The following PDE6D variants were observed in gnomAD, a reference collection of about 807,000 sequenced individuals.
The protein encoded by PDE6D is phosphodiesterase 6D, also known as retinal rod rhodopsin-sensitive cGMP 3',5'-cyclic phosphodiesterase subunit delta.
Under a neutral mutation model 21.9 loss-of-function variants are expected in PDE6D, and 10 were observed. The observed-to-expected ratio is 0.46, with a 90% CI of 0.28 to 0.78. The LOEUF (loss-of-function observed/expected upper bound fraction) is 0.78. Ranked by LOEUF, PDE6D falls within the 30% of genes least tolerant of loss-of-function variation. The probability of loss-of-function intolerance (pLI) is 0.12; values close to 1 mark genes in which losing one functional copy is unlikely to be tolerated. For synonymous variants in PDE6D, 59 were observed against 63.5 expected, an observed-to-expected ratio of 0.93 and a Z score of 0.34; for missense variants, 139 against 184.8, an observed-to-expected ratio of 0.75 and a Z score of 1.44.
chr2:231,738,201 C>A, intron 2 of PDE6D, 63 bp from the exon 3 acceptor site: 1 of 1,489,690 alleles, frequency 6.7e-7, no homozygotes, highest in South Asian at 1.3e-5. Flanking sequence ...TATGATGCTT[C>A]AAATTTCTGG....
chr2:231,748,734 C>T (rs545950520), intron 1 of PDE6D, among the ~76,000 whole-genome samples: 285 of 152,332 alleles, frequency 1.9e-3, no homozygotes, highest in African/African-American at 6.3e-3. Flanking sequence ...GTTCCCCATG[C>T]TGTGTGCAGC....
chr2:231,738,971 C>A, intron 2 of PDE6D, 129 bp downstream of exon 2: 17 of 439,598 alleles, frequency 3.9e-5, no homozygotes, highest in South Asian at 1.0e-4. Context: ...GTCAACAACA[C>A]ATGGATTAAC....
intron 1 of PDE6D, among the ~76,000 whole-genome samples, chr2:231,765,070 G>T (rs1194288108): frequency 3.3e-5 from 5 of 151,490 alleles, no homozygotes; most frequent in Non-Finnish European, 7.4e-5. Flanking sequence ...AGACCAGCCT[G>T]GGCAACACAG....
intron 1 of PDE6D, among the ~76,000 whole-genome samples, chr2:231,745,888 T>C (rs2048790083): frequency 6.6e-6 from 1 of 151,012 alleles, no homozygotes; most frequent in Admixed American, 6.6e-5. Flanking sequence ...GTGAAGGAGG[T>C]GGGTGGTAGA....
chr2:231,759,305 G>A (rs2048907595), intron 1 of PDE6D, among the ~76,000 whole-genome samples: 1 of 151,984 alleles, frequency 6.6e-6, no homozygotes, highest in Non-Finnish European at 1.5e-5. Flanking sequence ...GACAAAGTGA[G>A]ACCCTGTCTC....
rs184065762 is a variant in PDE6D at position 231,759,135 on chromosome 2, T to C, written c.51-19947A>G. On this transcript the variant is annotated intron_variant, in intron 1 of 4. Transcript: ENST00000287600. ...GAGTTCGACACCAGCCTGGGTAACATAGGGAGACAGCATCTCTATTAAAAA... is the reference window on the plus strand; with the variant it reads ...GAGTTCGACACCAGCCTGGGTAACACAGGGAGACAGCATCTCTATTAAAAA... Among the ~76,000 whole-genome samples the C allele has an allele frequency of 2.9e-3, 444 of 151,540 alleles. 1 individual carries two copies. Among genetic ancestry groups the C allele is most frequent in the African/African-American group, 0.01 (424 of 41,300 alleles).
chr2:231,758,127 C>T (rs1394278839), intron 1 of PDE6D, among the ~76,000 whole-genome samples: 1 of 152,040 alleles, frequency 6.6e-6, no homozygotes, highest in Non-Finnish European at 1.5e-5. Context: ...ATATATCTAC[C>T]TACCTACCTG....
chr2:231,773,312 G>C (rs2049029605), intron 1 of PDE6D, among the ~76,000 whole-genome samples: 1 of 152,180 alleles, frequency 6.6e-6, no homozygotes, highest in East Asian at 1.9e-4. Flanking sequence ...AAACTCTCAA[G>C]AGTCCATGCA....
chr2:231,761,691 AG>A (rs1470538932), intron 1 of PDE6D, among the ~76,000 whole-genome samples: 11 of 152,226 alleles, frequency 7.2e-5, no homozygotes, highest in African/African-American at 2.7e-4. Context: ...AACAAGAGTC[AG>A]GGTAAAAGAG....
intron 1 of PDE6D, among the ~76,000 whole-genome samples, chr2:231,769,832 C>CT (rs1318882694): frequency 6.6e-6 from 1 of 152,174 alleles, no homozygotes; most frequent in Non-Finnish European, 1.5e-5. Flanking sequence ...TCCATAAATA[C>CT]TTAAGGGGCC....
At chr2:231,750,699 G>T (rs2048833039) in intron 1 of PDE6D, among the ~76,000 whole-genome samples, 1 of 140,488 alleles carries the variant, frequency 7.1e-6, no homozygotes, top group Non-Finnish European at 1.5e-5. Context: ...GTATAGACTG[G>T]GTTTCACTGT....
intron 1 of PDE6D, among the ~76,000 whole-genome samples, chr2:231,771,523 G>A (rs1423747876): frequency 6.6e-6 from 1 of 152,250 alleles, no homozygotes; most frequent in African/African-American, 2.4e-5. Flanking sequence ...AAACCGAAAA[G>A]CAGTATAGAA....
chr2:231,738,919 CAAA>C (rs1157734125), intron 2 of PDE6D, among the ~76,000 whole-genome samples, 178 bp downstream of exon 2: 15,050 of 61,530 alleles, frequency 0.24, 483 homozygotes, highest in Non-Finnish European at 0.29. Flanking sequence ...GACTGTGTCT[CAAA>C]AAAAAAAAAA....
chr2:231,744,040 CTTAAA>C (rs1385616426), intron 1 of PDE6D, among the ~76,000 whole-genome samples: 1 of 152,226 alleles, frequency 6.6e-6, no homozygotes, highest in Non-Finnish European at 1.5e-5. Flanking sequence ...ATCAGACTTT[CTTAAA>C]TTAAACAATA....
At chr2:231,767,304 C>T (rs1336519626) in intron 1 of PDE6D, among the ~76,000 whole-genome samples, 4 of 151,822 alleles carry the variant, frequency 2.6e-5, no homozygotes, top group Non-Finnish European at 5.9e-5. Context: ...ACATCTCCAT[C>T]AAACAGCATG....
In PDE6D at chr2:231,739,970, C is replaced by A. The variant is rs2048734097; in HGVS notation, c.51-782G>T. Among the ~76,000 whole-genome samples the A allele has an allele frequency of 6.6e-6, 1 of 151,284 alleles. No individual in the cohort carries two copies. Among genetic ancestry groups the A allele is most frequent in the Non-Finnish European group, 1.5e-5 (1 of 67,864 alleles). ...AAAGCATTTATTATGAAAGACAGAC[C>A]AAAACAAACTAAAAGAAAAAAGTAA... On this transcript the variant is annotated intron_variant, in intron 1 of 4. Coordinates refer to ENST00000287600, the MANE Select transcript of PDE6D (RefSeq NM_002601.4). The surrounding 1 kb of genome is among the most constrained non-coding windows in gnomAD (Gnocchi z 4.2).
intron 1 of PDE6D, among the ~76,000 whole-genome samples, chr2:231,769,440 A>G (rs1393044432): frequency 6.6e-6 from 1 of 152,084 alleles, no homozygotes; most frequent in Non-Finnish European, 1.5e-5. Context: ...TGAAAACCAT[A>G]CTTTTCACAC....
rs141781721 is a variant in PDE6D at position 231,768,889 on chromosome 2, C to T, written c.50+12176G>A. 6.5e-4 allele frequency among the ~76,000 whole-genome samples: 98 copies of T among 151,894 alleles called. 1 individual carries two copies. The highest frequency in any genetic ancestry group is 2.0e-3 in the African/African-American group (81 of 41,420). ...GGTTTATCATTTTCTTTTTTTTGAG[C>T]GGGAGTTTCGCTCTTGTTGCCCAGG... On this transcript the variant is annotated intron_variant, in intron 1 of 4. Coordinates refer to ENST00000287600, the MANE Select transcript of PDE6D (RefSeq NM_002601.4).
chr2:231,770,678 T>C (rs959575276), intron 1 of PDE6D, among the ~76,000 whole-genome samples: 9 of 151,772 alleles, frequency 5.9e-5, no homozygotes, highest in African/African-American at 2.2e-4. Context: ...ATTGGCCGGG[T>C]ATGGTGGCTC....
Sources: gnomAD v4.1 joint callset for allele counts (sites outside exome capture counted in the v4.1 genomes callset) on GRCh38, gnomAD v4.1.1 for gene constraint, Gnocchi (gnomAD v3.1) non-coding constraint, MANE v1.5 for transcripts, NCBI Gene and HGNC (gene_info 2026-07-23, HGNC 2026-07-21) for gene names.